The following DLEU7 variants were observed in gnomAD, a reference collection of about 807,000 sequenced individuals.
DLEU7 encodes the protein deleted in lymphocytic leukemia 7.
DLEU7 carries 17 observed loss-of-function variants against 16.0 expected under a neutral mutation model. The observed-to-expected ratio is 1.06, with a 90% CI of 0.73 to 1.59. The LOEUF (loss-of-function observed/expected upper bound fraction) is 1.59, where lower values mean the gene tolerates loss of function less well. Ranked by LOEUF, DLEU7 falls within the 40% of genes most tolerant of loss-of-function variation. The pLI, the probability that DLEU7 is intolerant of heterozygous loss-of-function variation, is 0.00. For synonymous variants in DLEU7, 113 were observed against 139.8 expected (o/e 0.81, Z 1.35); for missense variants, 308 against 314.9 (o/e 0.98, Z 0.17).
intron 1 of DLEU7, among the ~76,000 whole-genome samples, chr13:50,728,636 C>G (rs889117407): frequency 5.3e-5 from 8 of 152,102 alleles, no homozygotes; most frequent in Admixed American, 3.3e-4. Flanking sequence ...TAGGAACCCA[C>G]CAAGAGTTGA....
At chr13:50,724,629 T>G (rs2137710191) in intron 1 of DLEU7, among the ~76,000 whole-genome samples, 1 of 152,284 alleles carries the variant, frequency 6.6e-6, no homozygotes, top group Middle Eastern at 3.4e-3. Context: ...AAGAGTCAAT[T>G]GCCTTGGAGA....
rs372094830 is a variant in DLEU7 at position 50,772,915 on chromosome 13, G to A, written c.460-59675C>T. 4.6e-5 allele frequency among the ~76,000 whole-genome samples: 7 copies of A among 152,110 alleles called. No individual in the cohort carries two copies. The East Asian group carries it at 5.8e-4, about 13-fold the overall frequency. Reference sequence around the variant, plus strand: ...CTTTCAGGTACACCAATCAAATGTAGATTTGGTCTTTTCACATAGTCCTAT... The same window carrying A: ...CTTTCAGGTACACCAATCAAATGTAAATTTGGTCTTTTCACATAGTCCTAT... On this transcript the variant is annotated intron_variant, in intron 1 of 1. Transcript: ENST00000400393.
intron 1 of DLEU7, among the ~76,000 whole-genome samples, chr13:50,807,457 G>A (rs547174686): frequency 6.6e-6 from 1 of 151,222 alleles, no homozygotes; most frequent in East Asian, 1.9e-4. Flanking sequence ...TGCCTATAAA[G>A]CCTTTTCCAA....
At chr13:50,818,255 G>A (rs1023549163), downstream of DLEU7, among the ~76,000 whole-genome samples, 1 of 152,120 alleles carries the variant, frequency 6.6e-6, no homozygotes, top group African/African-American at 2.4e-5. Context: ...AGCACTACAT[G>A]GGAAAATTGA....
In DLEU7 at chr13:50,836,119, C is replaced by T. The variant is rs1235516245; in HGVS notation, c.459+7069G>A. Among the ~76,000 whole-genome samples, 4 of 152,230 alleles carry T rather than the reference C, an allele frequency of 2.6e-5. No individual in the cohort carries two copies. The East Asian group carries it at 7.7e-4, about 29-fold the overall frequency. On this transcript the variant is annotated intron_variant, in intron 1 of 1. Transcript: ENST00000504404. ...TAAATTGTAAATCAGCTCATACTCA[C>T]TTAACCACCAGCTCTACAACAAGTT...
intron 1 of DLEU7, among the ~76,000 whole-genome samples, chr13:50,808,949 T>C (rs976285145): frequency 1.4e-4 from 21 of 151,824 alleles, no homozygotes; most frequent in African/African-American, 5.1e-4. Flanking sequence ...ACAACTATGG[T>C]GTCCTGGGGT....
At chr13:50,762,504 G>A (rs753321955) in intron 1 of DLEU7, among the ~76,000 whole-genome samples, 21 of 152,256 alleles carry the variant, frequency 1.4e-4, no homozygotes, top group Middle Eastern at 6.8e-3. Flanking sequence ...ATTATGGGTG[G>A]CATTTCTTTG....
chr13:50,778,705 A>T (rs1382043734), intron 1 of DLEU7, among the ~76,000 whole-genome samples: 2 of 152,226 alleles, frequency 1.3e-5, no homozygotes, highest in African/African-American at 2.4e-5. Flanking sequence ...CAAATTTCCT[A>T]GTTTTCCAAA....
At chr13:50,786,415 T>C (rs1172083306) in intron 1 of DLEU7, among the ~76,000 whole-genome samples, 1 of 152,210 alleles carries the variant, frequency 6.6e-6, no homozygotes, top group African/African-American at 2.4e-5. Context: ...ATACGTGTAC[T>C]ATACAACATT....
chr13:50,734,382 G>A (rs1005362793), intron 1 of DLEU7, among the ~76,000 whole-genome samples: 3 of 152,112 alleles, frequency 2.0e-5, no homozygotes, highest in Admixed American at 1.3e-4. Flanking sequence ...CGTCCTCTGA[G>A]TAACCTAATT....
intron 1 of DLEU7, among the ~76,000 whole-genome samples, chr13:50,752,399 T>C (rs1030390530): frequency 6.6e-6 from 1 of 151,274 alleles, no homozygotes; most frequent in Non-Finnish European, 1.5e-5. Flanking sequence ...ACTTTCCACT[T>C]AGCACCACCT....
chr13:50,752,134 C>T (rs1337987318), intron 1 of DLEU7, among the ~76,000 whole-genome samples: 2 of 149,828 alleles, frequency 1.3e-5, no homozygotes, highest in Non-Finnish European at 2.9e-5. Context: ...TCATTGCAAG[C>T]TCTGCCTCCC....
rs765424875 is a variant in DLEU7 at position 50,843,494 on chromosome 13, G to A, written c.153C>T (p.Ala51=). Residue 51 remains alanine, a synonymous_variant, in exon 1 of 2, where the codon GCC becomes GCT. Transcript: ENST00000504404. The surrounding 1 kb of genome is among the most constrained non-coding windows in gnomAD (Gnocchi z 5.7). The part of the protein sequence containing the change: ...RDPDHVSTAP[A]RRSGPPRARP... ...GGGCCCGCGGCGGGCCTGAGCGACG[G>A]GCTGGAGCGGTGGACACGTGGTCTG... 1.3e-5 allele frequency: 18 copies of A among 1,385,052 alleles called. 1 individual carries two copies. The South Asian group carries it at 2.8e-4, about 21-fold the overall frequency. 85.8% of individuals were successfully genotyped at this position (1,385,052 alleles called of 1,614,324 possible).
At chr13:50,829,409 C>T (rs1877191290) in intron 1 of DLEU7, among the ~76,000 whole-genome samples, 1 of 152,168 alleles carries the variant, frequency 6.6e-6, no homozygotes, top group African/African-American at 2.4e-5. Context: ...GAAGGAACCA[C>T]TAAAACGTGT....
intron 1 of DLEU7, among the ~76,000 whole-genome samples, chr13:50,829,059 G>GT (rs1304338742): frequency 6.7e-6 from 1 of 150,252 alleles, no homozygotes; most frequent in African/African-American, 2.5e-5. Flanking sequence ...TTAAAACACT[G>GT]TAAGATTTTT....
At chr13:50,747,494 G>A (rs559352896) in intron 1 of DLEU7, among the ~76,000 whole-genome samples, 1 of 152,074 alleles carries the variant, frequency 6.6e-6, no homozygotes, top group South Asian at 2.1e-4. Flanking sequence ...AGATGAGAGG[G>A]ACTGTGCAGA....
At chr13:50,780,782 T>G (rs890457621) in intron 1 of DLEU7, among the ~76,000 whole-genome samples, 1 of 152,090 alleles carries the variant, frequency 6.6e-6, no homozygotes, top group African/African-American at 2.4e-5. Context: ...CTCACAGAGA[T>G]GGAATCTGTG....
intron 1 of DLEU7, among the ~76,000 whole-genome samples, chr13:50,717,296 A>T (rs1194935119): frequency 1.3e-5 from 2 of 152,218 alleles, no homozygotes; most frequent in East Asian, 3.8e-4. Flanking sequence ...TTTTACCAGG[A>T]TGCTGGACAC....
intron 1 of DLEU7, among the ~76,000 whole-genome samples, chr13:50,828,524 T>C (rs2137806688): frequency 6.6e-6 from 1 of 152,238 alleles, no homozygotes; most frequent in East Asian, 1.9e-4. Flanking sequence ...AATGATTATG[T>C]AAATAAAGAA....
Sources: gnomAD v4.1 joint callset for allele counts (sites outside exome capture counted in the v4.1 genomes callset) on GRCh38, gnomAD v4.1.1 for gene constraint, Gnocchi (gnomAD v3.1) non-coding constraint, MANE v1.5 for transcripts, NCBI Gene and HGNC (gene_info 2026-07-23, HGNC 2026-07-21) for gene names.